Variants in GTF3C3 observed in about 807,000 individuals in gnomAD.
GTF3C3 encodes the protein general transcription factor 3C polypeptide 3.
GTF3C3 carries 75 observed loss-of-function variants against 105.2 expected under a neutral mutation model. That is an observed-to-expected ratio of 0.71 (90% CI 0.59 to 0.86). The LOEUF (loss-of-function observed/expected upper bound fraction) is 0.86. Among genes scored for constraint, GTF3C3 ranks in the 40% least tolerant of loss-of-function variants. GTF3C3 has a pLI of 0.00. For synonymous variants in GTF3C3, 335 were observed against 370.4 expected, an observed-to-expected ratio of 0.90 and a Z score of 1.10; for missense variants, 856 against 1,076.5, an observed-to-expected ratio of 0.80 and a Z score of 2.87.
At chr2:196,795,840 AAAATT>A (rs1302900284) in intron 2 of GTF3C3, among the ~76,000 whole-genome samples, 6 of 152,250 alleles carry the variant, frequency 3.9e-5, no homozygotes, top group African/African-American at 1.4e-4. Flanking sequence ...AGGAAAAAAT[AAAATT>A]ATTAAGTCAC....
rs748993229 is a variant in GTF3C3 at position 196,772,926 on chromosome 2, T to G, written c.2059A>C (p.Asn687His). The G allele has an allele frequency of 6.7e-7, 1 of 1,501,652 alleles. No individual in the cohort carries two copies. Among genetic ancestry groups the G allele is most frequent in the Admixed American group, 1.9e-5 (1 of 53,098 alleles). 93.0% of individuals were successfully genotyped at this position (1,501,652 alleles called of 1,614,324 possible). ...TAACTGGGAAATCACCTGATATAGT[T>G]GTATGCCTTTCTGAAATTTTTGTCC... The part of the protein sequence containing the change: ...ILDKNFRKAY[N>H]YIRIMVMENV... Residue 687 changes from asparagine (N) to histidine (H), a missense_variant, in exon 14 of 18, where the codon AAC (asparagine) becomes CAC (histidine). This residue lies in a region of GTF3C3 where 605 missense variants were observed against 833.6 expected (regional missense o/e 0.73). Transcript: ENST00000263956.
chr2:196,768,644 T>C (rs1259819070), intron 16 of GTF3C3, among the ~76,000 whole-genome samples: 1 of 152,196 alleles, frequency 6.6e-6, no homozygotes, highest in South Asian at 2.1e-4. Context: ...AAACTTTTTT[T>C]ATGGAAAATG....
chr2:196,779,840 A>C (rs151030512), intron 9 of GTF3C3, among the ~76,000 whole-genome samples: 33 of 152,070 alleles, frequency 2.2e-4, no homozygotes, highest in African/African-American at 7.7e-4. Flanking sequence ...CACCACACCC[A>C]GCTAAATTTT....
intron 17 of GTF3C3, among the ~76,000 whole-genome samples, chr2:196,765,025 G>A (rs1236449288): frequency 2.0e-5 from 3 of 152,086 alleles, no homozygotes; most frequent in Non-Finnish European, 4.4e-5. Flanking sequence ...TTTTATGATA[G>A]CAAAAGTAGC....
chr2:196,793,453 C>T (rs1559306459), intron 2 of GTF3C3, among the ~76,000 whole-genome samples: 1 of 152,084 alleles, frequency 6.6e-6, no homozygotes, highest in East Asian at 1.9e-4. Flanking sequence ...AATTATAAGA[C>T]ATAGACCTAA....
chr2:196,780,608 A>G lies in GTF3C3; in HGVS notation c.1169T>C (p.Val390Ala). The G allele has an allele frequency of 6.2e-7, 1 of 1,613,636 alleles. No homozygotes were observed. The highest frequency in any genetic ancestry group is 1.1e-5 in the South Asian group (1 of 91,038). Residue 390 changes from valine to alanine, a missense_variant, in exon 9 of 18, where the codon GTG (valine) becomes GCG (alanine). Physicochemically the swap from Val to Ala is moderately conservative, Grantham distance 64. Coordinates refer to ENST00000263956, the MANE Select transcript of GTF3C3 (RefSeq NM_012086.5). Reference sequence around the variant, plus strand: ...ATGTACAAGGCAGACCATCAACTTCACTGTGATATCTATTGGCACGCCATC... The same window carrying G: ...ATGTACAAGGCAGACCATCAACTTCGCTGTGATATCTATTGGCACGCCATC... ...IPDGVPIDIT[V>A]KLMVCLVHLN...
chr2:196,770,972 C>T (rs1001138947), intron 15 of GTF3C3, among the ~76,000 whole-genome samples: 1 of 152,072 alleles, frequency 6.6e-6, no homozygotes, highest in Non-Finnish European at 1.5e-5. Context: ...GAATCATGAA[C>T]GTATCAAATA....
intron 15 of GTF3C3, among the ~76,000 whole-genome samples, chr2:196,770,349 T>C (rs544172817): frequency 7.2e-4 from 110 of 152,370 alleles, no homozygotes; most frequent in Admixed American, 3.0e-3. Flanking sequence ...TCATTAAATC[T>C]ATTTTATGAC....
Position 196,772,286 on chromosome 2 carries a change from C to T in GTF3C3, c.2070-348G>A, listed in dbSNP as rs546406398. ...TATTTGCCAGGCATTGGCCGGGCAC[C>T]GTGGCTCACGCCTGTAATCCCAGCA... On this transcript the variant is annotated intron_variant, in intron 14 of 17. Transcript: ENST00000263956. Among the ~76,000 whole-genome samples the T allele has an allele frequency of 6.3e-4, 96 of 152,284 alleles. 1 individual carries two copies. The highest frequency in any genetic ancestry group is 2.1e-3 in the African/African-American group (88 of 41,556).
chr2:196,776,419 T>G lies in GTF3C3; in HGVS notation c.1593+8A>C, dbSNP rs756047330. ...AAGAAAAACTTCCCTCTATGTGACA[T>G]GGCCCACCTGCTGTGCAGCATTTGC... On this transcript the variant is annotated splice_region_variant and intron_variant, in intron 11 of 17. Coordinates refer to ENST00000263956, the MANE Select transcript of GTF3C3 (RefSeq NM_012086.5). The surrounding 1 kb of genome is among the most constrained non-coding windows in gnomAD (Gnocchi z 4.5). 1 of 1,610,272 alleles carries G rather than the reference T, an allele frequency of 6.2e-7. No homozygotes were observed.
chr2:196,768,571 G>A (rs1477400986), intron 16 of GTF3C3, among the ~76,000 whole-genome samples: 1 of 151,876 alleles, frequency 6.6e-6, no homozygotes, highest in Non-Finnish European at 1.5e-5. Context: ...CAAGAAGAAA[G>A]AAAAATAAGA....
intron 8 of GTF3C3, among the ~76,000 whole-genome samples, chr2:196,781,357 A>AAAAAAAAAAAAAAAAAAATAT: frequency 1.1e-4 from 2 of 18,810 alleles, no homozygotes; most frequent in Non-Finnish European, 3.0e-4. Flanking sequence ...AAAAAAAAAA[A>AAAAAAAAAAAAAAAAAAATAT]ATATATATAT....
In GTF3C3 at chr2:196,771,937, T is replaced by C. The variant is rs1699182995; in HGVS notation, c.2071A>G (p.Ile691Val). 1 of 1,607,278 alleles carries C rather than the reference T, an allele frequency of 6.2e-7. No individual in the cohort carries two copies. The highest frequency in any genetic ancestry group is 8.5e-7 in the Non-Finnish European group (1 of 1,173,796). ...NFRKAYNYIR[I>V]MVMENVNKPQ... Reference sequence around the variant, plus strand: ...TTATTGACATTTTCCATTACCATTATCCTAAAATTGCAGGAAGAGGGTGAG... The same window carrying C: ...TTATTGACATTTTCCATTACCATTACCCTAAAATTGCAGGAAGAGGGTGAG... The change falls in exon 15 of 18, where the codon ATA becomes GTA. Residue 691 changes from isoleucine to valine, a missense_variant and splice_region_variant. By Grantham distance (29) the Ile-to-Val change is conservative. Coordinates refer to ENST00000263956, the MANE Select transcript of GTF3C3 (RefSeq NM_012086.5).
chr2:196,779,379 C>T (rs997017388), intron 9 of GTF3C3, among the ~76,000 whole-genome samples: 6 of 152,098 alleles, frequency 3.9e-5, no homozygotes, highest in East Asian at 1.9e-4. Context: ...CTACCCTCCT[C>T]GGCCTCCCAA....
intron 8 of GTF3C3, among the ~76,000 whole-genome samples, chr2:196,783,251 C>A (rs984391554): frequency 1.4e-5 from 2 of 143,738 alleles, no homozygotes; most frequent in African/African-American, 5.2e-5. Context: ...TTAATATGTG[C>A]CAGGAAGGAA....
At chr2:196,784,994 A>C in intron 7 of GTF3C3, 65 bp from the exon 8 acceptor site, 2 of 1,058,884 alleles carry the variant, frequency 1.9e-6, no homozygotes, top group Non-Finnish European at 2.9e-6. Flanking sequence ...TAATGCAAAG[A>C]TTTGTACAGT....
intron 9 of GTF3C3, chr2:196,780,215 C>CTT (rs57683313): frequency 3.3e-3 from 2,617 of 793,824 alleles, no homozygotes; most frequent in Middle Eastern, 6.5e-3. Flanking sequence ...ATGCTAAGTA[C>CTT]TTTTTTTTTT....
At chr2:196,787,773 T>C (rs1009439391) in intron 6 of GTF3C3, among the ~76,000 whole-genome samples, 2 of 152,054 alleles carry the variant, frequency 1.3e-5, no homozygotes, top group Non-Finnish European at 2.9e-5. Context: ...TTTACAAGAG[T>C]AGGGGATTTT....
Position 196,775,097 on chromosome 2 carries a change from A to T in GTF3C3, c.1831+19T>A. ...ATTCAGCCAAATTTTATATAACATA[A>T]TGCAAATGAAGTTATTACCTTTTGC... On this transcript the variant is annotated intron_variant, in intron 13 of 17. Transcript: ENST00000263956. 6.2e-7 allele frequency: 1 copy of T among 1,604,594 alleles called. No individual in the cohort carries two copies. Among genetic ancestry groups the T allele is most frequent in the South Asian group, 1.1e-5 (1 of 90,086 alleles).
Sources: allele counts gnomAD v4.1 joint callset (sites outside exome capture counted in the v4.1 genomes callset), GRCh38; gene constraint gnomAD v4.1.1; regional missense constraint gnomAD v4.1.1; non-coding constraint Gnocchi (gnomAD v3.1); transcripts MANE v1.5; gene names NCBI Gene and HGNC (gene_info 2026-07-23, HGNC 2026-07-21).